ZNRF3: variants seen among roughly 807,000 people sequenced by gnomAD.
ZNRF3 encodes the protein E3 ubiquitin-protein ligase ZNRF3.
ZNRF3 carries 23 observed loss-of-function variants against 72.5 expected under a neutral mutation model. That is an observed-to-expected ratio of 0.32 (90% CI 0.23 to 0.45). The LOEUF (loss-of-function observed/expected upper bound fraction) is 0.45. Ranked by LOEUF, ZNRF3 falls within the 20% of genes least tolerant of loss-of-function variation. The probability of loss-of-function intolerance (pLI) is 1.00; values close to 1 mark genes in which losing one functional copy is unlikely to be tolerated. For missense variants in ZNRF3, 1,169 were observed against 1,272.1 expected (o/e 0.92, Z 1.23); for synonymous variants, 610 against 545.3 (o/e 1.12, Z -1.65).
In ZNRF3 at chr22:29,049,330, G is replaced by A. The variant is rs374126135; in HGVS notation, c.1149G>A (p.Thr383=). 8.7e-6 allele frequency: 14 copies of A among 1,613,652 alleles called. No homozygotes were observed. The highest frequency in any genetic ancestry group is 5.3e-5 in the African/African-American group (4 of 74,884). ...CCAACGCCATCCCAGCCTACCCTAC[G>A]AGGACAAGCATGGACTCCCACGGCA... The part of the protein sequence containing the change: ...HRTNAIPAYP[T]RTSMDSHGNP... Residue 383 remains threonine (T), a synonymous_variant, in exon 8 of 9, where the codon ACG becomes ACA. Coordinates refer to ENST00000544604, the MANE Select transcript of ZNRF3 (RefSeq NM_001206998.2). This position sits in a 1 kb window ranked among gnomAD's most constrained non-coding sequence, Gnocchi z 5.2.
chr22:29,038,328 T>C (rs1306637634), intron 2 of ZNRF3, among the ~76,000 whole-genome samples: 1 of 151,128 alleles, frequency 6.6e-6, no homozygotes, highest in Non-Finnish European at 1.5e-5. Context: ...GACCAAGTAA[T>C]GTTCTGTTGC....
At chr22:29,002,474 A>G (rs904276141) in intron 2 of ZNRF3, among the ~76,000 whole-genome samples, 2 of 152,248 alleles carry the variant, frequency 1.3e-5, no homozygotes, top group Non-Finnish European at 2.9e-5. Context: ...GGCAAGTAAC[A>G]GCTGTCAGTA....
chr22:28,964,443 CA>C (rs1041372879), intron 1 of ZNRF3, among the ~76,000 whole-genome samples: 4 of 152,134 alleles, frequency 2.6e-5, no homozygotes, highest in African/African-American at 9.7e-5. Flanking sequence ...GAGCCTGGGC[CA>C]GGGGCAGAGG....
chr22:28,897,819 C>G (rs2034027100), intron 1 of ZNRF3, among the ~76,000 whole-genome samples: 2 of 152,172 alleles, frequency 1.3e-5, no homozygotes, highest in African/African-American at 4.8e-5. Flanking sequence ...TCCCTATTGT[C>G]TTGGATGTAA....
chr22:28,997,316 C>T (rs2036061059), intron 2 of ZNRF3, among the ~76,000 whole-genome samples: 1 of 151,740 alleles, frequency 6.6e-6, no homozygotes, highest in African/African-American at 2.4e-5. Context: ...GTCCTCTTAT[C>T]ACATTGTTTC....
At chr22:28,991,638 T>C (rs1328320584) in intron 2 of ZNRF3, among the ~76,000 whole-genome samples, 1 of 152,162 alleles carries the variant, frequency 6.6e-6, no homozygotes, top group Non-Finnish European at 1.5e-5. Flanking sequence ...CTGAGAGCTT[T>C]ACCTATAGCG....
intron 1 of ZNRF3, among the ~76,000 whole-genome samples, chr22:28,978,897 T>C (rs969898048): frequency 6.6e-6 from 1 of 152,232 alleles, no homozygotes; most frequent in Non-Finnish European, 1.5e-5. Context: ...ATTCTTCCAA[T>C]GTAGTTATAT....
intron 1 of ZNRF3, among the ~76,000 whole-genome samples, chr22:28,944,891 A>C (rs1601588888): frequency 6.6e-6 from 1 of 151,602 alleles, no homozygotes; most frequent in Admixed American, 6.6e-5. Context: ...GTGCCACTGC[A>C]CCCCAGCCTG....
At chr22:28,937,228 T>A (rs1343777832) in intron 1 of ZNRF3, among the ~76,000 whole-genome samples, 9 of 89,914 alleles carry the variant, frequency 1.0e-4, no homozygotes, top group Non-Finnish European at 1.2e-4. Context: ...TTTTTTTTTT[T>A]TTTTTTTTTT....
chr22:28,908,228 A>C lies in ZNRF3; in HGVS notation c.300+24162A>C, dbSNP rs144760749. Among the ~76,000 whole-genome samples, 6 of 152,358 alleles carry C rather than the reference A, an allele frequency of 3.9e-5. No homozygotes were observed. In the East Asian group the frequency reaches 1.2e-3, roughly 29 times the overall value. On this transcript the variant is annotated intron_variant, in intron 1 of 8. Coordinates refer to ENST00000544604, the MANE Select transcript of ZNRF3 (RefSeq NM_001206998.2). ...CAGCATGCAATGGAAATTGGCTGCA[A>C]GTCATCTCCATAAGGTGATTGAGAA...
intron 2 of ZNRF3, among the ~76,000 whole-genome samples, chr22:29,020,763 T>G (rs9613774): frequency 0.094 from 6,240 of 66,618 alleles, 358 homozygotes; most frequent in African/African-American, 0.15. Context: ...GGCTTTGTTT[T>G]TGTGTGTGTG....
chr22:29,045,514 G>A (rs916819629), intron 5 of ZNRF3, among the ~76,000 whole-genome samples: 1 of 152,082 alleles, frequency 6.6e-6, no homozygotes, highest in African/African-American at 2.4e-5. Flanking sequence ...TTTGAGACAA[G>A]ATCTCATTCT....
intron 1 of ZNRF3, among the ~76,000 whole-genome samples, chr22:28,958,744 A>G (rs955592920): frequency 1.3e-5 from 2 of 152,170 alleles, no homozygotes; most frequent in Admixed American, 1.3e-4. Flanking sequence ...CTTGTGTACC[A>G]ATCACCCAAG....
chr22:28,900,943 C>A (rs132530), intron 1 of ZNRF3, among the ~76,000 whole-genome samples: 138,941 of 151,834 alleles, frequency 0.92, 64,130 homozygotes, highest in Non-Finnish European at 0.97. Flanking sequence ...GTTCCTACAA[C>A]AAATTTTTTT....
chr22:28,982,505 G>T (rs951977654), intron 1 of ZNRF3, among the ~76,000 whole-genome samples: 1 of 148,690 alleles, frequency 6.7e-6, no homozygotes, highest in African/African-American at 2.5e-5. Flanking sequence ...GGTCGAGGTT[G>T]CAGTAAGCTG....
chr22:28,946,748 G>A (rs898371487), intron 1 of ZNRF3, among the ~76,000 whole-genome samples: 1 of 152,172 alleles, frequency 6.6e-6, no homozygotes, highest in African/African-American at 2.4e-5. Flanking sequence ...GGTGTTCTGG[G>A]GACTGGGGAG....
chr22:28,999,163 C>CA (rs10601140), intron 2 of ZNRF3, among the ~76,000 whole-genome samples: 10,017 of 63,316 alleles, frequency 0.16, 521 homozygotes, highest in Middle Eastern at 0.28. Flanking sequence ...AATAAAAATA[C>CA]AAAAAAAAAA....
intron 2 of ZNRF3, chr22:29,017,989 G>T (rs1432253226): frequency 3.9e-6 from 2 of 519,080 alleles, no homozygotes; most frequent in Middle Eastern, 3.2e-4. Flanking sequence ...CTATGCAACA[G>T]CTGGAAGATG....
At chr22:29,028,932 G>A (rs17519961) in intron 2 of ZNRF3, among the ~76,000 whole-genome samples, 8,020 of 152,234 alleles carry the variant, frequency 0.053, 327 homozygotes, top group Non-Finnish European at 0.081. Flanking sequence ...ACCATTCCCA[G>A]CATCCCTAAA....
Sources: allele counts gnomAD v4.1 joint callset (sites outside exome capture counted in the v4.1 genomes callset), GRCh38; gene constraint gnomAD v4.1.1; non-coding constraint Gnocchi (gnomAD v3.1); transcripts MANE v1.5; gene names NCBI Gene and HGNC (gene_info 2026-07-23, HGNC 2026-07-21).